The following GRID1 variants were observed in gnomAD, a reference collection of about 807,000 sequenced individuals.
GRID1 encodes glutamate ionotropic receptor delta type subunit 1.
Under a neutral mutation model 98.0 loss-of-function variants are expected in GRID1, and 28 were observed. The observed-to-expected ratio is 0.29, with a 90% confidence interval of 0.21 to 0.39. The LOEUF (loss-of-function observed/expected upper bound fraction) is 0.39. Ranked by LOEUF, GRID1 falls within the 10% of genes least tolerant of loss-of-function variation. The probability of loss-of-function intolerance (pLI) is 1.00; values close to 1 mark genes in which losing one functional copy is unlikely to be tolerated. For missense variants in GRID1, 1,111 were observed against 1,340.5 expected (o/e 0.83, Z 2.67); for synonymous variants, 553 against 538.5 (o/e 1.03, Z -0.37).
At chr10:85,958,514 C>G (rs1305361340) in intron 4 of GRID1, among the ~76,000 whole-genome samples, 1 of 150,982 alleles carries the variant, frequency 6.6e-6, no homozygotes. Context: ...CACAGGGTGT[C>G]CAGACATTTG....
At chr10:85,833,929 G>A (rs1842891469) in intron 8 of GRID1, among the ~76,000 whole-genome samples, 1 of 152,184 alleles carries the variant, frequency 6.6e-6, no homozygotes, top group Non-Finnish European at 1.5e-5. Flanking sequence ...TACCCAATGT[G>A]ACAAACAGAG....
At chr10:86,312,455 C>A (rs1847843665) in intron 2 of GRID1, among the ~76,000 whole-genome samples, 1 of 152,230 alleles carries the variant, frequency 6.6e-6, no homozygotes, top group Non-Finnish European at 1.5e-5. Flanking sequence ...TCCGCTCCTC[C>A]AAAAGGATTT....
chr10:86,049,833 A>G (rs1401430884), intron 4 of GRID1, among the ~76,000 whole-genome samples: 2 of 152,026 alleles, frequency 1.3e-5, no homozygotes, highest in South Asian at 2.1e-4. Context: ...TCTTTTTGTC[A>G]TCGTTTAAGC....
At chr10:85,660,195 G>C (rs1840949382) in intron 12 of GRID1, among the ~76,000 whole-genome samples, 1 of 152,202 alleles carries the variant, frequency 6.6e-6, no homozygotes, top group Non-Finnish European at 1.5e-5. Context: ...ATGCCTGGGG[G>C]GCATCAATGG....
intron 8 of GRID1, among the ~76,000 whole-genome samples, chr10:85,802,172 A>ACTTCT (rs1842582634): frequency 6.6e-6 from 1 of 152,146 alleles, no homozygotes; most frequent in Non-Finnish European, 1.5e-5. Context: ...TGTCGCTGAA[A>ACTTCT]TTGTTCTATA....
rs1269376668 is a variant in GRID1, at chr10:85,895,012, A to AT, written c.780+21173_780+21174insA. Among the ~76,000 whole-genome samples, 774 of 115,836 alleles carry AT rather than the reference A, an allele frequency of 6.7e-3. 6 individuals are homozygous for AT. The highest frequency in any genetic ancestry group is 0.01 in the Non-Finnish European group (550 of 52,628). The allele number at this position is 115,836 out of a possible 152,430, so 76.0% of individuals were successfully genotyped here. On this transcript the variant is annotated intron_variant, in intron 5 of 15. Transcript: ENST00000327946. ...CAAACTGGGACTCTCAAAAAAAAAA[A>AT]AAAAATATATATATATATATATATA...
At chr10:85,641,852 G>A (rs1843123210) in intron 13 of GRID1, among the ~76,000 whole-genome samples, 2 of 152,208 alleles carry the variant, frequency 1.3e-5, no homozygotes. Flanking sequence ...ACAAAAAGGG[G>A]CAGAGCCCGG....
intron 2 of GRID1, among the ~76,000 whole-genome samples, chr10:86,244,935 C>A (rs935478891): frequency 3.3e-5 from 5 of 152,168 alleles, no homozygotes; most frequent in African/African-American, 1.2e-4. Flanking sequence ...AAGATTTTTT[C>A]CCCTCCATTG....
At chr10:86,113,728 C>A (rs1844526833) in intron 4 of GRID1, among the ~76,000 whole-genome samples, 1 of 152,158 alleles carries the variant, frequency 6.6e-6, no homozygotes, top group African/African-American at 2.4e-5. Context: ...GAACTCAGGC[C>A]AGTGGGTGAG....
In GRID1 at chr10:85,622,229, C is replaced by T. The variant is rs1842865851; in HGVS notation, c.2194-2196G>A. On this transcript the variant is annotated intron_variant, in intron 13 of 15. Transcript: ENST00000327946. ...ACATTTATAGTCCTGCTGGCCTAAG[C>T]TGAGAAAGAGGGAACATCCAGAAGG... Among the ~76,000 whole-genome samples the T allele has an allele frequency of 7.2e-5, 11 of 152,162 alleles. No homozygotes were observed. In the South Asian group the frequency reaches 2.3e-3, roughly 32 times the overall value.
intron 4 of GRID1, among the ~76,000 whole-genome samples, chr10:85,948,003 T>C (rs1423670211): frequency 6.6e-6 from 1 of 152,188 alleles, no homozygotes; most frequent in East Asian, 1.9e-4. Flanking sequence ...AAGCCTACCA[T>C]AGGAGAAAAA....
chr10:86,031,399 G>A (rs1302801463), intron 4 of GRID1, among the ~76,000 whole-genome samples: 1 of 152,040 alleles, frequency 6.6e-6, no homozygotes, highest in African/African-American at 2.4e-5. Flanking sequence ...TAAACACTGT[G>A]GACTTCAAAA....
intron 8 of GRID1, among the ~76,000 whole-genome samples, chr10:85,746,144 G>A (rs1841994563): frequency 1.3e-5 from 2 of 152,130 alleles, no homozygotes; most frequent in Non-Finnish European, 2.9e-5. Flanking sequence ...TAGGTATTCA[G>A]GTTGAAAACC....
intron 12 of GRID1, among the ~76,000 whole-genome samples, chr10:85,660,322 C>A (rs1049293756): frequency 3.9e-5 from 6 of 152,208 alleles, no homozygotes; most frequent in Admixed American, 3.3e-4. Flanking sequence ...AGGCAAGACA[C>A]TCAGGATAAC....
intron 2 of GRID1, among the ~76,000 whole-genome samples, chr10:86,226,477 ACCCCAGCATACC>A (rs1846349926): frequency 7.3e-5 from 1 of 13,688 alleles, no homozygotes; most frequent in African/African-American, 2.9e-4. Context: ...ACACCCTCCC[ACCCCAGCATACC>A]CTCCCACCCC....
chr10:86,220,737 G>A (rs1021058453), intron 2 of GRID1, among the ~76,000 whole-genome samples: 10 of 152,198 alleles, frequency 6.6e-5, no homozygotes, highest in African/African-American at 2.2e-4. Flanking sequence ...TTCACCCCAA[G>A]TTTTGCATGG....
intron 1 of GRID1, 42 bp from the exon 2 acceptor site, chr10:86,364,138 C>CCT: frequency 6.4e-7 from 1 of 1,574,676 alleles, no homozygotes; most frequent in Non-Finnish European, 8.7e-7. Context: ...GGACAAGAAC[C>CCT]CTCTCCCCGC....
intron 4 of GRID1, among the ~76,000 whole-genome samples, chr10:86,074,437 C>T (rs1375538487): frequency 1.3e-5 from 2 of 152,064 alleles, no homozygotes; most frequent in African/African-American, 2.4e-5. Context: ...TTTTTGTGCC[C>T]GTCTTATTTC....
At chr10:85,712,741 A>G (rs1336268698) in intron 12 of GRID1, among the ~76,000 whole-genome samples, 1 of 151,904 alleles carries the variant, frequency 6.6e-6, no homozygotes, top group African/African-American at 2.4e-5. Context: ...CCACAATGCT[A>G]TGAAACTAGA....
Sources: gnomAD v4.1 joint callset for allele counts (sites outside exome capture counted in the v4.1 genomes callset) on GRCh38, gnomAD v4.1.1 for gene constraint, MANE v1.5 for transcripts, NCBI Gene and HGNC (gene_info 2026-07-23, HGNC 2026-07-21) for gene names.